Variants in SLC7A10 observed in about 807,000 individuals in gnomAD.
The protein encoded by SLC7A10 is solute carrier family 7 member 10.
A neutral mutation model predicts 52.7 loss-of-function variants in SLC7A10; 30 were observed. That is an observed-to-expected ratio of 0.57 (90% confidence interval 0.43 to 0.77). The LOEUF (loss-of-function observed/expected upper bound fraction) is 0.77. Ranked by LOEUF, SLC7A10 falls within the 30% of genes least tolerant of loss-of-function variation. The pLI, the probability that SLC7A10 is intolerant of heterozygous loss-of-function variation, is 0.00. For missense variants in SLC7A10, 581 were observed against 698.5 expected (o/e 0.83, Z 1.90); for synonymous variants, 318 against 314.9 (o/e 1.01, Z -0.10).
In SLC7A10 at chr19:33,211,525, G is replaced by C; in HGVS notation, c.801C>G (p.Arg267=). 6.2e-7 allele frequency: 1 copy of C among 1,614,104 alleles called. No individual in the cohort carries two copies. The highest frequency in any genetic ancestry group is 8.5e-7 in the Non-Finnish European group (1 of 1,180,020). The part of the protein sequence containing the change: ...EMVDARKNLP[R]AIFISIPLVT... ...CCAGTGGGATGGAGATGAAGATGGC[G>C]CGAGGTAGGTTCCTGGTGACAGGCA... Residue 267 remains arginine (R), a synonymous_variant, in exon 6 of 11, where the codon CGC becomes CGG. Coordinates refer to ENST00000253188, the MANE Select transcript of SLC7A10 (RefSeq NM_019849.3).
At position 33,210,295 on chromosome 19, in the gene SLC7A10, C is replaced by G. The variant is rs147368841; in HGVS notation, c.1263+172G>C. ...CACTGGGAGCATTCAAAGCTCTGTC[C>G]TCATGGGGCTGCTATGAGGAATGGC... On this transcript the variant is annotated intron_variant, in intron 9 of 10. Coordinates refer to ENST00000253188, the MANE Select transcript of SLC7A10 (RefSeq NM_019849.3). The surrounding 1 kb of genome is among the most constrained non-coding windows in gnomAD (Gnocchi z 5.6). Among the ~76,000 whole-genome samples, 285 of 152,280 alleles carry G rather than the reference C, an allele frequency of 1.9e-3. 1 individual carries two copies. Among genetic ancestry groups the G allele is most frequent in the African/African-American group, 6.4e-3 (266 of 41,572 alleles).
chr19:33,215,905 G>T lies in SLC7A10; in HGVS notation c.220C>A (p.Leu74Met). ...CCCAGGACCCAGACGAACAGGGCCAGACCCACGGAGCCTGAGTGCTCCAGG... is the reference window on the plus strand; with the variant it reads ...CCCAGGACCCAGACGAACAGGGCCATACCCACGGAGCCTGAGTGCTCCAGG... ...GVLEHSGSVGLALFVWVLGGG... is the reference protein window; with the variant it reads ...GVLEHSGSVGMALFVWVLGGG... The change falls in exon 2 of 11, where the codon CTG becomes ATG. Residue 74 changes from leucine (L) to methionine (M), a missense_variant. Transcript: ENST00000253188. 1 of 1,611,160 alleles carries T rather than the reference G, an allele frequency of 6.2e-7. No homozygotes were observed. Among genetic ancestry groups the T allele is most frequent in the Non-Finnish European group, 8.5e-7 (1 of 1,178,942 alleles).
intron 2 of SLC7A10, among the ~76,000 whole-genome samples, chr19:33,214,633 C>T (rs934749111): frequency 6.6e-6 from 1 of 152,256 alleles, no homozygotes; most frequent in Admixed American, 6.5e-5. Flanking sequence ...TCTGTTCACA[C>T]TTCCCCCATC....
Position 33,211,582 on chromosome 19 carries a change from G to A in SLC7A10, c.789-45C>T, listed in dbSNP as rs1479450781. 2.5e-6 allele frequency: 4 copies of A among 1,612,748 alleles called. No individual in the cohort carries two copies. In the South Asian group the frequency reaches 3.3e-5, roughly 13 times the overall value. On this transcript the variant is annotated intron_variant, in intron 5 of 10. Coordinates refer to ENST00000253188, the MANE Select transcript of SLC7A10 (RefSeq NM_019849.3). ...TGCGTCAGCGTCAGCTCCTGAGGGT[G>A]CAGGACCCCCGAGACCCAGCCACGA...
chr19:33,211,071 TG>T, intron 7 of SLC7A10, 153 bp downstream of exon 7: 1 of 966,716 alleles, frequency 1.0e-6, no homozygotes, highest in Non-Finnish European at 1.6e-6. Flanking sequence ...CTCCCAGTTG[TG>T]ATCAGACACT....
chr19:33,213,190 GT>G (rs1337036524), intron 2 of SLC7A10, among the ~76,000 whole-genome samples, 188 bp from the exon 3 acceptor site: 1 of 152,234 alleles, frequency 6.6e-6, no homozygotes, highest in Non-Finnish European at 1.5e-5. Flanking sequence ...TTGATAGACT[GT>G]TTTAACAGAG....
chr19:33,215,467 C>G lies in SLC7A10; in HGVS notation c.356+302G>C, dbSNP rs1336873606. Among the ~76,000 whole-genome samples the G allele has an allele frequency of 2.0e-5, 3 of 151,960 alleles. No individual in the cohort carries two copies. The South Asian group carries it at 6.2e-4, about 31-fold the overall frequency. ...GGCAGGGGGTGGGGTTCAGAGGGAC[C>G]TCTATTTAAAAGGAGATCCAGAGAG... On this transcript the variant is annotated intron_variant, in intron 2 of 10. Coordinates refer to ENST00000253188, the MANE Select transcript of SLC7A10 (RefSeq NM_019849.3).
In SLC7A10 at chr19:33,212,903, G is replaced by A; in HGVS notation, c.456C>T (p.Pro152=). ...FSNYVLQPVF[P]NCIPPTTASR... ...AGGCTGTGGTGGGGGGGATGCAGTTGGGGAACACGGGCTGCAGCACGTAGT... is the reference window on the plus strand; with the variant it reads ...AGGCTGTGGTGGGGGGGATGCAGTTAGGGAACACGGGCTGCAGCACGTAGT... Residue 152 remains proline (P), a synonymous_variant, in exon 3 of 11, where the codon CCC becomes CCT. Transcript: ENST00000253188. 6.2e-7 allele frequency: 1 copy of A among 1,614,202 alleles called. No homozygotes were observed. The highest frequency in any genetic ancestry group is 2.2e-5 in the East Asian group (1 of 44,880).
At chr19:33,216,412 C>G (rs1974685472) in intron 1 of SLC7A10, among the ~76,000 whole-genome samples, 1 of 152,226 alleles carries the variant, frequency 6.6e-6, no homozygotes. Flanking sequence ...CATGCAGCCA[C>G]TTGTCCTGCC....
intron 5 of SLC7A10, chr19:33,212,019 C>G (rs982644736): frequency 3.2e-5 from 18 of 570,408 alleles, no homozygotes; most frequent in African/African-American, 2.2e-4. Context: ...AGGCCAAATG[C>G]AAATCTCTGG....
intron 1 of SLC7A10, among the ~76,000 whole-genome samples, chr19:33,217,556 CCCTGGTAGAACCTGTAGGT>C (rs140221270): frequency 0.082 from 12,485 of 152,230 alleles, 1,724 homozygotes; most frequent in African/African-American, 0.29. Flanking sequence ...GAACAAACAG[CCCTGGTAGAACCTGTAGGT>C]CCTGGTAGGA....
In SLC7A10 at chr19:33,211,342, G is replaced by A; in HGVS notation, c.913-14C>T. 6.2e-7 allele frequency: 1 copy of A among 1,614,030 alleles called. No homozygotes were observed. Among genetic ancestry groups the A allele is most frequent in the African/African-American group, 1.3e-5 (1 of 75,062 alleles). ...CTCCCCGAAGGTCTGGGTGGGCACA[G>A]TAGAGAGGCCATGTGTAAGGCCGGG... On this transcript the variant is annotated splice_polypyrimidine_tract_variant and intron_variant, in intron 6 of 10. Coordinates refer to ENST00000253188, the MANE Select transcript of SLC7A10 (RefSeq NM_019849.3).
rs2303093 is a variant in SLC7A10 at position 33,209,539 on chromosome 19, C to T, written c.1264-54G>A. On this transcript the variant is annotated intron_variant, in intron 9 of 10. Coordinates refer to ENST00000253188, the MANE Select transcript of SLC7A10 (RefSeq NM_019849.3). ...GGTGCAGGGCCTCCAGCTGTCTGTA[C>T]CCCCGACCCCTGGGGGTCTGGGGAA... 841,688 of 1,587,756 alleles carry T rather than the reference C, an allele frequency of 0.53. 236,779 individuals are homozygous for T. Among genetic ancestry groups the T allele is most frequent in the Non-Finnish European group, 0.59 (683,966 of 1,163,782 alleles).
At position 33,225,752 on chromosome 19, in the gene SLC7A10, G is replaced by A; in HGVS notation, c.-49C>T. On this transcript the variant is annotated 5_prime_UTR_variant, in exon 1 of 11. Coordinates refer to ENST00000253188, the MANE Select transcript of SLC7A10 (RefSeq NM_019849.3). ...CTCCCTGCGCTGCCCCGTCTGTCCGGCCGGCCGCCCGTCGGTCCGTCGGTC... is the reference window on the plus strand; with the variant it reads ...CTCCCTGCGCTGCCCCGTCTGTCCGACCGGCCGCCCGTCGGTCCGTCGGTC... 3 of 1,453,054 alleles carry A rather than the reference G, an allele frequency of 2.1e-6. No individual in the cohort carries two copies. The highest frequency in any genetic ancestry group is 2.6e-5 in the Admixed American group (1 of 38,464). The allele number at this position is 1,453,054 out of a possible 1,614,324, so 90.0% of individuals were successfully genotyped here.
Position 33,210,657 on chromosome 19 carries a change from C to T in SLC7A10, c.1114-41G>A, listed in dbSNP as rs377348939. On this transcript the variant is annotated intron_variant, in intron 8 of 10. Transcript: ENST00000253188. This position sits in a 1 kb window ranked among gnomAD's most constrained non-coding sequence, Gnocchi z 5.6. Reference sequence around the variant, plus strand: ...GGGCTGACGGCTGGCCCCTAGCCTGCCTCCTGACGCCCCTGCAGGATGAGC... The same window carrying T: ...GGGCTGACGGCTGGCCCCTAGCCTGTCTCCTGACGCCCCTGCAGGATGAGC... 116 of 1,609,898 alleles carry T rather than the reference C, an allele frequency of 7.2e-5. No individual in the cohort carries two copies. The highest frequency in any genetic ancestry group is 1.7e-4 in the Admixed American group (10 of 59,982).
intron 5 of SLC7A10, 181 bp from the exon 6 acceptor site, chr19:33,211,718 C>T (rs1201770053): frequency 8.6e-7 from 1 of 1,163,428 alleles, no homozygotes; most frequent in Non-Finnish European, 1.2e-6. Context: ...TGCCCCACCC[C>T]CACCTGGACA....
intron 1 of SLC7A10, chr19:33,220,112 G>C (rs1366322263): frequency 6.6e-6 from 1 of 152,184 alleles, no homozygotes; most frequent in Non-Finnish European, 1.5e-5. Flanking sequence ...CCTGTGTCAG[G>C]TACCTCTCCG....
Position 33,225,554 on chromosome 19 carries a change from G to C in SLC7A10, c.150C>G (p.Ile50Met). Residue 50 changes from isoleucine (I) to methionine (M), a missense_variant and splice_region_variant, in exon 1 of 11, where the codon ATC becomes ATG. Transcript: ENST00000253188. Reference sequence around the variant, plus strand: ...CCCGCCCGCCTGGGTCCCGCTCACCGATGATGATGGTGCAGGCGCTCAGCA... The same window carrying C: ...CCCGCCCGCCTGGGTCCCGCTCACCCATGATGATGGTGCAGGCGCTCAGCA... Reference protein sequence around the residue: ...IGLLSACTIIIGNIIGSGIFI... With the variant: ...IGLLSACTIIMGNIIGSGIFI... The C allele has an allele frequency of 6.3e-7, 1 of 1,596,500 alleles. No individual in the cohort carries two copies. Among genetic ancestry groups the C allele is most frequent in the South Asian group, 1.1e-5 (1 of 90,976 alleles).
chr19:33,213,027 G>A (rs1238786169), intron 2 of SLC7A10, 25 bp from the exon 3 acceptor site: 1 of 1,572,018 alleles, frequency 6.4e-7, no homozygotes, highest in South Asian at 1.2e-5. Context: ...GGCGGGAGTG[G>A]CTCAAGCTGC....
Sources: allele counts gnomAD v4.1 joint callset (sites outside exome capture counted in the v4.1 genomes callset), GRCh38; gene constraint gnomAD v4.1.1; non-coding constraint Gnocchi (gnomAD v3.1); transcripts MANE v1.5; gene names NCBI Gene and HGNC (gene_info 2026-07-23, HGNC 2026-07-21).